Variants in ADGRG5 observed in about 807,000 individuals in gnomAD.
The protein encoded by ADGRG5 is G protein-coupled receptor 114.
Under a neutral mutation model 53.2 loss-of-function variants are expected in ADGRG5, and 37 were observed. That is an observed-to-expected ratio of 0.70 (90% CI 0.53 to 0.91). The LOEUF (loss-of-function observed/expected upper bound fraction) is 0.91, where lower values mean the gene tolerates loss of function less well. Ranked by LOEUF, ADGRG5 falls within the 40% of genes least tolerant of loss-of-function variation. The pLI, the probability that ADGRG5 is intolerant of heterozygous loss-of-function variation, is 0.00. For missense variants in ADGRG5, 614 were observed against 675.8 expected (o/e 0.91, Z 1.01); for synonymous variants, 277 against 290.4 (o/e 0.95, Z 0.47).
chr16:57,554,261 T>G (rs1268511844), intron 1 of ADGRG5, among the ~76,000 whole-genome samples: 1 of 152,136 alleles, frequency 6.6e-6, no homozygotes, highest in East Asian at 1.9e-4. Flanking sequence ...TTTTTCCCCT[T>G]TATCATTCTG....
intron 1 of ADGRG5, among the ~76,000 whole-genome samples, chr16:57,560,265 TTCC>T (rs1317034095): frequency 6.6e-6 from 1 of 152,230 alleles, no homozygotes; most frequent in African/African-American, 2.4e-5. Context: ...ACCCTGTGTC[TTCC>T]TTCATGATAT....
chr16:57,575,052 G>A lies in ADGRG5; in HGVS notation c.1446G>A (p.Leu482=). ...TCTTTTCTTTTGGCGTCTTCCTGCT[G>A]CCCCAGCTGTTCCTCTTCACCATCT... ...LAFFSFGVFL[L]PQLFLFTILN... is the part of the protein sequence containing the mutation. The change falls in exon 11 of 12, where the codon CTG becomes CTA. Residue 482 remains leucine (L), a synonymous_variant. Coordinates refer to ENST00000349457, the MANE Select transcript of ADGRG5 (RefSeq NM_001304376.3). 6.8e-6 allele frequency: 11 copies of A among 1,613,868 alleles called. No homozygotes were observed. The highest frequency in any genetic ancestry group is 9.3e-6 in the Non-Finnish European group (11 of 1,179,978).
rs1345008397 is a variant in ADGRG5 at position 57,545,073 on chromosome 16, G to A, written c.-39+2372G>A. 3.9e-5 allele frequency among the ~76,000 whole-genome samples: 6 copies of A among 152,128 alleles called. No individual in the cohort carries two copies. The East Asian group carries it at 1.2e-3, about 29-fold the overall frequency. On this transcript the variant is annotated intron_variant, in intron 1 of 11. Coordinates refer to ENST00000349457, the MANE Select transcript of ADGRG5 (RefSeq NM_001304376.3). ...GATTAAGGCATGAGCCACCACACCC[G>A]GCTCCCCCAAATCTTGTCCCTTGTC...
rs1357806887 is a variant in ADGRG5 at position 57,563,110 on chromosome 16, C to T, written c.160C>T (p.Gln54Ter). The T allele has an allele frequency of 6.2e-7, 1 of 1,614,160 alleles. No individual in the cohort carries two copies. Among genetic ancestry groups the T allele is most frequent in the Non-Finnish European group, 8.5e-7 (1 of 1,179,998 alleles). Residue 54 changes from glutamine to a stop codon, truncating the protein, a stop_gained, in exon 4 of 12, where the codon CAG (glutamine) becomes TAG (stop). Transcript: ENST00000349457. LOFTEE classifies it high-confidence loss of function. The part of the protein sequence containing the change: ...FSSRQLHQLE[Q>*]MLLNTSFPGY... The stretch of plus-strand genomic sequence containing the variant: ...CTGCAGTCAACTCCACCAGCTGGAG[C>T]AGATGCTACTGAACACCAGCTTCCC...
Position 57,563,325 on chromosome 16 carries a change from C to G in ADGRG5, c.297+78C>G, listed in dbSNP as rs151322443. 6.7e-3 allele frequency: 8,677 copies of G among 1,296,318 alleles called. 41 individuals are homozygous for G. Among genetic ancestry groups the G allele is most frequent in the Non-Finnish European group, 8.4e-3 (7,608 of 904,774 alleles). 80.3% of individuals were successfully genotyped at this position (1,296,318 alleles called of 1,614,324 possible). A position where few individuals can be genotyped will look rare whatever the true frequency, so the allele number is the denominator to read the frequency against. On this transcript the variant is annotated intron_variant, in intron 4 of 11. Transcript: ENST00000349457. ...TCCAGGCATTTAAGGTCTGGACTTT[C>G]TTTAGGCTCCACTGTCTTCCTCCCC... is the stretch of plus-strand genomic sequence containing the variant.
chr16:57,546,272 A>G (rs1394746647), intron 1 of ADGRG5, among the ~76,000 whole-genome samples: 2 of 152,064 alleles, frequency 1.3e-5, no homozygotes. Flanking sequence ...TACTGGGTGC[A>G]TGGCACCATG....
chr16:57,559,609 C>T (rs1251474789), intron 1 of ADGRG5, among the ~76,000 whole-genome samples: 3 of 152,174 alleles, frequency 2.0e-5, no homozygotes, highest in African/African-American at 4.8e-5. Context: ...TCTACTTTTG[C>T]GGCAACTACC....
upstream of ADGRG5, among the ~76,000 whole-genome samples, chr16:57,540,951 C>T (rs1392776140): frequency 2.0e-5 from 3 of 152,100 alleles, no homozygotes; most frequent in African/African-American, 4.8e-5. Context: ...CCACCACACC[C>T]GGCTAATTTT....
the ADGRG5 span, among the ~76,000 whole-genome samples, chr16:57,532,615 C>T: frequency 3.3e-5 from 5 of 152,106 alleles, no homozygotes; most frequent in Non-Finnish European, 7.4e-5. Context: ...GACACAGACA[C>T]GCCTGAAGAC....
At chr16:57,535,049 T>C in the ADGRG5 span, among the ~76,000 whole-genome samples, 1 of 152,164 alleles carries the variant, frequency 6.6e-6, no homozygotes, top group Non-Finnish European at 1.5e-5. Flanking sequence ...TCCCAGAGCC[T>C]TTCAGGTAGG....
chr16:57,567,989 G>A lies in ADGRG5; in HGVS notation c.955G>A (p.Ala319Thr), dbSNP rs370454204. 1.1e-5 allele frequency: 18 copies of A among 1,613,828 alleles called. No individual in the cohort carries two copies. The highest frequency in any genetic ancestry group is 5.3e-5 in the African/African-American group (4 of 74,872). Residue 319 changes from alanine (A) to threonine (T), a missense_variant, in exon 9 of 12, where the codon GCT becomes ACT. Coordinates refer to ENST00000349457, the MANE Select transcript of ADGRG5 (RefSeq NM_001304376.3). ...VPGSACTALA[A>T]ALHYALLSCL... The stretch of plus-strand genomic sequence containing the variant: ...CGGGTCAGCATGCACGGCTCTGGCC[G>A]CTGCCCTGCACTACGCGCTGCTCAG...
At chr16:57,559,814 ACT>A (rs1470641093) in intron 1 of ADGRG5, among the ~76,000 whole-genome samples, 1 of 149,870 alleles carries the variant, frequency 6.7e-6, no homozygotes, top group African/African-American at 2.5e-5. Flanking sequence ...CTCCCATCTG[ACT>A]CTCTACTTTC....
the ADGRG5 span, among the ~76,000 whole-genome samples, chr16:57,529,552 C>T: frequency 6.6e-6 from 1 of 152,178 alleles, no homozygotes; most frequent in Admixed American, 6.5e-5. The surrounding 1 kb of genome is among the most constrained non-coding windows in gnomAD (Gnocchi z 4.1). Flanking sequence ...AATCTGAAAC[C>T]TTGATCTGTT....
In ADGRG5 at chr16:57,574,832, C is replaced by T; in HGVS notation, c.1226C>T (p.Pro409Leu). Residue 409 changes from proline (P) to leucine (L), a missense_variant, in exon 11 of 12, where the codon CCC becomes CTC. Coordinates refer to ENST00000349457, the MANE Select transcript of ADGRG5 (RefSeq NM_001304376.3). The surrounding 1 kb of genome is among the most constrained non-coding windows in gnomAD (Gnocchi z 4.4). ...CCCTGCAGATGCTGGGTGCGGAGCC[C>T]CGTGGTGCACAGTGTCCTGGTCATG... ...QNMSICWVRS[P>L]VVHSVLVMGY... The T allele has an allele frequency of 1.3e-6, 2 of 1,589,750 alleles. No homozygotes were observed. Among genetic ancestry groups the T allele is most frequent in the Non-Finnish European group, 1.7e-6 (2 of 1,165,036 alleles).
rs578042654 is a variant in ADGRG5, at chr16:57,568,461, C to G, written c.1090+337C>G. ...CCACCTCCATCACCACCATCATCAT[C>G]TCATCCACCTCTGTTATCGCCATCA... is the stretch of plus-strand genomic sequence containing the variant. On this transcript the variant is annotated intron_variant, in intron 9 of 11. Transcript: ENST00000349457. Among the ~76,000 whole-genome samples the G allele has an allele frequency of 2.0e-5, 3 of 151,774 alleles. No homozygotes were observed. In the East Asian group the frequency reaches 5.8e-4, roughly 29 times the overall value.
chr16:57,532,729 ACACAC>A, the ADGRG5 span, among the ~76,000 whole-genome samples: 1 of 151,108 alleles, frequency 6.6e-6, no homozygotes, highest in African/African-American at 2.4e-5. Context: ...ACACACACAC[ACACAC>A]AGAGGCAGAC....
chr16:57,544,067 G>T (rs1051983143), intron 1 of ADGRG5, among the ~76,000 whole-genome samples: 5 of 152,006 alleles, frequency 3.3e-5, no homozygotes, highest in Non-Finnish European at 7.4e-5. Flanking sequence ...TTTCTCTATT[G>T]GCCTAAATAG....
intron 1 of ADGRG5, among the ~76,000 whole-genome samples, chr16:57,555,437 C>T (rs1378855806): frequency 6.6e-6 from 1 of 152,170 alleles, no homozygotes; most frequent in East Asian, 1.9e-4. Context: ...GAGGTGCCTT[C>T]CTCCATGATT....
chr16:57,577,054 CTG>C lies in ADGRG5; in HGVS notation c.*1519_*1520del, dbSNP rs2033535655. ...GCTCTGCCACTTGCTAGCTGTGAGA[CTG>C]TGGACAAACCACTCAGCCTCTGTGT... On this transcript the variant is annotated 3_prime_UTR_variant, in exon 12 of 12. Transcript: ENST00000349457. The C allele has an allele frequency of 6.6e-6, 1 of 152,260 alleles. No homozygotes were observed. Among genetic ancestry groups the C allele is most frequent in the Admixed American group, 6.5e-5 (1 of 15,288 alleles). The allele number at this position is 152,260 out of a possible 1,614,324, so 9.4% of individuals were successfully genotyped here.
Sources: allele counts gnomAD v4.1 joint callset (sites outside exome capture counted in the v4.1 genomes callset), GRCh38; gene constraint gnomAD v4.1.1; non-coding constraint Gnocchi (gnomAD v3.1); transcripts MANE v1.5; gene names NCBI Gene and HGNC (gene_info 2026-07-23, HGNC 2026-07-21).